SFXN5: variants seen among roughly 807,000 people sequenced by gnomAD.
SFXN5 encodes sideroflexin-5.
A neutral mutation model predicts 50.2 loss-of-function variants in SFXN5; 43 were observed. That is an observed-to-expected ratio of 0.86 (90% CI 0.67 to 1.11). SFXN5 has a LOEUF of 1.11. Ranked by LOEUF, SFXN5 falls within the 50% of genes least tolerant of loss-of-function variation. The pLI is 0.00. For synonymous variants in SFXN5, 203 were observed against 185.8 expected (o/e 1.09, Z -0.75); for missense variants, 463 against 454.1 (o/e 1.02, Z -0.18).
In SFXN5 at chr2:72,973,958, C is replaced by G. The variant is rs1374701025; in HGVS notation, c.626-2273G>C. On this transcript the variant is annotated intron_variant, in intron 10 of 13. Coordinates refer to ENST00000272433, the MANE Select transcript of SFXN5 (RefSeq NM_144579.3). The surrounding 1 kb of genome is among the most constrained non-coding windows in gnomAD (Gnocchi z 5.5). ...GTCCACCATACCACCACCACCGCCA[C>G]TCCCAGAAAGGCAAAGTTACAGGAA... is the stretch of plus-strand genomic sequence containing the variant. Among the ~76,000 whole-genome samples, 1 of 152,246 alleles carries G rather than the reference C, an allele frequency of 6.6e-6. No homozygotes were observed.
chr2:73,017,289 T>C (rs971575470), intron 6 of SFXN5, among the ~76,000 whole-genome samples: 5 of 152,158 alleles, frequency 3.3e-5, no homozygotes, highest in Non-Finnish European at 5.9e-5. Context: ...GGAGTGGAAC[T>C]TTTATGAGTG....
At chr2:72,999,593 A>G (rs1008853100) in intron 8 of SFXN5, among the ~76,000 whole-genome samples, 10 of 151,832 alleles carry the variant, frequency 6.6e-5, no homozygotes, top group African/African-American at 2.2e-4. Context: ...GGTTTAAGAT[A>G]AAGGGAGTCA....
chr2:73,009,911 G>A (rs1675278875), intron 6 of SFXN5, among the ~76,000 whole-genome samples: 1 of 152,288 alleles, frequency 6.6e-6, no homozygotes, highest in African/African-American at 2.4e-5. Flanking sequence ...GGAAGACAGT[G>A]CTGGCATCTG....
intron 10 of SFXN5, among the ~76,000 whole-genome samples, chr2:72,978,427 C>T (rs1200274400): frequency 3.3e-5 from 5 of 151,740 alleles, no homozygotes; most frequent in Admixed American, 6.6e-5. Flanking sequence ...CAATTACAGG[C>T]GCCCACCACC....
At chr2:72,985,994 T>C (rs1671871399) in intron 10 of SFXN5, among the ~76,000 whole-genome samples, 1 of 152,206 alleles carries the variant, frequency 6.6e-6, no homozygotes. Context: ...GATTACATCT[T>C]GGCCGAATCC....
chr2:73,032,634 G>A (rs1678463267), intron 3 of SFXN5, among the ~76,000 whole-genome samples: 1 of 152,280 alleles, frequency 6.6e-6, no homozygotes, highest in East Asian at 1.9e-4. Context: ...CACCCAGAGG[G>A]AGGAGGAACA....
intron 10 of SFXN5, chr2:72,980,905 C>T (rs1671226318): frequency 6.6e-6 from 1 of 152,094 alleles, no homozygotes; most frequent in Non-Finnish European, 1.5e-5. Context: ...TTACACCTCC[C>T]CACTTTCTCT....
chr2:72,971,274 T>C (rs930234603), intron 11 of SFXN5, among the ~76,000 whole-genome samples: 1 of 152,068 alleles, frequency 6.6e-6, no homozygotes, highest in Non-Finnish European at 1.5e-5. Context: ...GGGAGTCTCC[T>C]CTGCCCTCAC....
chr2:72,969,690 C>T (rs919553639), intron 11 of SFXN5, among the ~76,000 whole-genome samples: 3 of 148,940 alleles, frequency 2.0e-5, no homozygotes, highest in South Asian at 2.1e-4. Flanking sequence ...ACACCGTGCC[C>T]GGCCTACTTT....
intron 2 of SFXN5, among the ~76,000 whole-genome samples, chr2:73,050,051 T>G (rs1259673081): frequency 6.6e-6 from 1 of 150,858 alleles, no homozygotes; most frequent in Non-Finnish European, 1.5e-5. Context: ...ATCTTGAGAA[T>G]CATCTTTGAT....
At chr2:73,069,825 A>G (rs1012590508) in intron 1 of SFXN5, among the ~76,000 whole-genome samples, 5 of 146,908 alleles carry the variant, frequency 3.4e-5, no homozygotes, top group African/African-American at 1.3e-4. Context: ...AAAGAAAAAG[A>G]AAAAAAAAAA....
intron 10 of SFXN5, among the ~76,000 whole-genome samples, chr2:72,980,856 C>T (rs1671215595): frequency 6.6e-6 from 1 of 152,034 alleles, no homozygotes; most frequent in Admixed American, 6.5e-5. Context: ...CTGCCCCCTC[C>T]TGCATTCCCC....
intron 6 of SFXN5, among the ~76,000 whole-genome samples, chr2:73,012,282 A>C (rs1375640941): frequency 6.6e-6 from 1 of 152,148 alleles, no homozygotes; most frequent in Non-Finnish European, 1.5e-5. Flanking sequence ...GTATTGTTTA[A>C]ATTCTGAGCT....
intron 2 of SFXN5, among the ~76,000 whole-genome samples, chr2:73,044,821 G>C (rs1233067915): frequency 6.6e-6 from 1 of 152,242 alleles, no homozygotes; most frequent in East Asian, 1.9e-4. Context: ...ATGGTCTCCA[G>C]AAGATCCCTC....
In SFXN5 at chr2:72,973,212, AC is replaced by A. The variant is rs1305394581; in HGVS notation, c.626-1528del. 6.3e-5 allele frequency: 10 copies of A among 158,638 alleles called. No homozygotes were observed. 9.8% of individuals were successfully genotyped at this position (158,638 alleles called of 1,614,324 possible). A position where few individuals can be genotyped will look rare whatever the true frequency, so the allele number is the denominator to read the frequency against. On this transcript the variant is annotated intron_variant, in intron 10 of 13. Coordinates refer to ENST00000272433, the MANE Select transcript of SFXN5 (RefSeq NM_144579.3). The surrounding 1 kb of genome is among the most constrained non-coding windows in gnomAD (Gnocchi z 5.5). ...TCTAAAATGTATTTAGAGCACACAC[AC>A]CATCTTCGAGCATCTCTCCTGCTTC... is the stretch of plus-strand genomic sequence containing the variant.
chr2:73,039,774 C>T (rs1165224891), intron 3 of SFXN5, among the ~76,000 whole-genome samples: 2 of 107,990 alleles, frequency 1.9e-5, no homozygotes, highest in Non-Finnish European at 4.1e-5. Context: ...TCCTTACAAG[C>T]ACTATTTTAT....
rs1341728981 is a variant in SFXN5 at position 72,944,929 on chromosome 2, G to A, written c.*93C>T. On this transcript the variant is annotated 3_prime_UTR_variant, in exon 14 of 14. Transcript: ENST00000272433. ...GGGGCCCAGGACTGCTGGGGTTGGCGTGCTGCTCCCTGCAGGTGCAGCCGT... is the reference window on the plus strand; with the variant it reads ...GGGGCCCAGGACTGCTGGGGTTGGCATGCTGCTCCCTGCAGGTGCAGCCGT... 1.7e-5 allele frequency: 21 copies of A among 1,201,828 alleles called. No homozygotes were observed. Among genetic ancestry groups the A allele is most frequent in the Admixed American group, 6.1e-5 (3 of 49,510 alleles). The allele number at this position is 1,201,828 out of a possible 1,614,324, so 74.4% of individuals were successfully genotyped here.
chr2:72,946,969 A>G (rs1672014655), intron 13 of SFXN5, among the ~76,000 whole-genome samples: 2 of 152,090 alleles, frequency 1.3e-5, no homozygotes, highest in African/African-American at 2.4e-5. Context: ...TCCCCACTCC[A>G]GTCTTTGCCT....
chr2:72,988,243 G>T lies in SFXN5; in HGVS notation c.625+15C>A. On this transcript the variant is annotated intron_variant, in intron 10 of 13. Transcript: ENST00000272433. Reference sequence around the variant, plus strand: ...CCCACCCACAGCACACATCTATGTGGTGTGCAGGTCTTACCTACAGCAGGG... The same window carrying T: ...CCCACCCACAGCACACATCTATGTGTTGTGCAGGTCTTACCTACAGCAGGG... 2 of 1,611,670 alleles carry T rather than the reference G, an allele frequency of 1.2e-6. No homozygotes were observed. The highest frequency in any genetic ancestry group is 1.7e-6 in the Non-Finnish European group (2 of 1,178,558).
Sources: allele counts gnomAD v4.1 joint callset (sites outside exome capture counted in the v4.1 genomes callset), GRCh38; gene constraint gnomAD v4.1.1; non-coding constraint Gnocchi (gnomAD v3.1); transcripts MANE v1.5; gene names NCBI Gene and HGNC (gene_info 2026-07-23, HGNC 2026-07-21).